CYP2C8: variants seen among roughly 807,000 people sequenced by gnomAD.
CYP2C8 encodes the protein cytochrome P450 family 2 subfamily C member 8.
Under a neutral mutation model 41.3 loss-of-function variants are expected in CYP2C8, and 51 were observed. The ratio of observed to expected loss-of-function variants is 1.24; its 90% confidence interval spans 0.99 to 1.56. CYP2C8 has a LOEUF of 1.56. Among genes scored for constraint, CYP2C8 ranks in the 40% most tolerant of loss-of-function variants. CYP2C8 has a pLI of 0.00. For missense variants in CYP2C8, 651 were observed against 579.9 expected (o/e 1.12, Z -1.26); for synonymous variants, 218 against 205.8 (o/e 1.06, Z -0.51).
At chr10:95,053,622 T>A (rs2033252453) in intron 5 of CYP2C8, among the ~76,000 whole-genome samples, 1 of 152,218 alleles carries the variant, frequency 6.6e-6, no homozygotes, top group South Asian at 2.1e-4. Context: ...TTCAGGGACA[T>A]GGATGAAGCT....
At chr10:95,046,018 A>T (rs1055228791) in intron 5 of CYP2C8, 67 bp from the exon 6 acceptor site, 31 of 1,570,960 alleles carry the variant, frequency 2.0e-5, no homozygotes, top group East Asian at 9.0e-5. Context: ...ACTAAATTTT[A>T]AAAAACATAC....
intron 7 of CYP2C8, among the ~76,000 whole-genome samples, chr10:95,041,756 C>A (rs976152532): frequency 5.7e-5 from 8 of 140,946 alleles, no homozygotes; most frequent in Non-Finnish European, 1.2e-4. Flanking sequence ...AGTCCGCAGT[C>A]CAGCCTGGGC....
intron 5 of CYP2C8, among the ~76,000 whole-genome samples, chr10:95,051,947 G>C (rs2033220701): frequency 6.6e-6 from 1 of 151,644 alleles, no homozygotes; most frequent in Non-Finnish European, 1.5e-5. Context: ...AAAATTAGTA[G>C]GAGAAAAGAA....
intron 5 of CYP2C8, among the ~76,000 whole-genome samples, chr10:95,049,623 T>C (rs2033178182): frequency 6.6e-6 from 1 of 152,104 alleles, no homozygotes; most frequent in Non-Finnish European, 1.5e-5. Flanking sequence ...GCCTCATCAC[T>C]GTGGACTATA....
intron 3 of CYP2C8, among the ~76,000 whole-genome samples, chr10:95,066,675 G>A (rs2033575184): frequency 6.6e-6 from 1 of 152,138 alleles, no homozygotes; most frequent in Admixed American, 6.5e-5. Context: ...CATACATAGT[G>A]TCATTGCTGG....
At chr10:95,062,928 G>C (rs1239597380) in intron 4 of CYP2C8, among the ~76,000 whole-genome samples, 1 of 152,126 alleles carries the variant, frequency 6.6e-6, no homozygotes, top group East Asian at 1.9e-4. Context: ...GAAATTCTGG[G>C]TTGAAAATTC....
At chr10:95,055,935 A>T (rs570927583) in intron 5 of CYP2C8, among the ~76,000 whole-genome samples, 1 of 152,016 alleles carries the variant, frequency 6.6e-6, no homozygotes, top group Non-Finnish European at 1.5e-5. Flanking sequence ...TACAAAAAAA[A>T]TACAAAAATT....
At chr10:95,047,370 T>A (rs1161833740) in intron 5 of CYP2C8, among the ~76,000 whole-genome samples, 1 of 152,188 alleles carries the variant, frequency 6.6e-6, no homozygotes, top group Admixed American at 6.5e-5. Context: ...TCATGAAAAG[T>A]GTTACACTCT....
intron 7 of CYP2C8, among the ~76,000 whole-genome samples, chr10:95,039,780 T>C (rs2032959382): frequency 6.6e-6 from 1 of 152,186 alleles, no homozygotes; most frequent in South Asian, 2.1e-4. Flanking sequence ...GATACAACCT[T>C]ATTATGTGGG....
At chr10:95,039,318 C>T in intron 7 of CYP2C8, 1 of 419,818 alleles carries the variant, frequency 2.4e-6, no homozygotes, top group Non-Finnish European at 4.4e-6. Flanking sequence ...GCCTCATTTG[C>T]CGCTCTATTT....
rs1317402551 is a variant in CYP2C8 at position 95,037,138 on chromosome 10, A to T, written c.1463T>A (p.Ile488Asn). 1 of 1,613,804 alleles carries T rather than the reference A, an allele frequency of 6.2e-7. No homozygotes were observed. Among genetic ancestry groups the T allele is most frequent in the Non-Finnish European group, 8.5e-7 (1 of 1,179,830 alleles). ...SLPPSYQICFIPV is the reference protein window; with the variant it reads ...SLPPSYQICFNPV ...ATGGGCTAGCATTCTTCAGACAGGG[A>T]TGAAGCAGATCTGGTATGAGGGTGG... is the stretch of plus-strand genomic sequence containing the variant. Residue 488 changes from isoleucine to asparagine, a missense_variant, in exon 9 of 9, where the codon ATC becomes AAC. Coordinates refer to ENST00000371270, the MANE Select transcript of CYP2C8 (RefSeq NM_000770.3).
rs78637571 is a variant in CYP2C8, at chr10:95,045,951, C to A, written c.820G>T (p.Glu274Ter). 100 of 1,613,820 alleles carry A rather than the reference C, an allele frequency of 6.2e-5. No homozygotes were observed. In the East Asian group the frequency reaches 2.1e-3, roughly 34 times the overall value. ...IDCFLIKMEQ[E>*]KDNQKSEFNI... The stretch of plus-strand genomic sequence containing the variant: ...AATTCTGACTTTTGGTTGTCCTTTT[C>A]CTAGAAGTGATTTCATGCAATTATC... The change falls in exon 6 of 9, where the codon GAA becomes TAA. Residue 274 changes from glutamate to a stop codon, truncating the protein, a stop_gained and splice_region_variant. Coordinates refer to ENST00000371270, the MANE Select transcript of CYP2C8 (RefSeq NM_000770.3). LOFTEE classifies it high-confidence loss of function.
chr10:95,058,659 T>G, intron 4 of CYP2C8, 148 bp from the exon 5 acceptor site: 1 of 738,122 alleles, frequency 1.4e-6, no homozygotes, highest in Non-Finnish European at 2.2e-6. Flanking sequence ...CATTTTTTAT[T>G]ACACTTTAAG....
chr10:95,043,198 G>A, intron 6 of CYP2C8, 121 bp from the exon 7 acceptor site: 1 of 852,820 alleles, frequency 1.2e-6, no homozygotes, highest in Non-Finnish European at 1.9e-6. Context: ...TGAGTTACAT[G>A]TCCAGAAGTA....
At chr10:95,060,959 A>G (rs561709364) in intron 4 of CYP2C8, among the ~76,000 whole-genome samples, 49 of 152,286 alleles carry the variant, frequency 3.2e-4, no homozygotes, top group East Asian at 2.7e-3. Context: ...TGATTTGCGT[A>G]TATTGAACCA....
At chr10:95,038,352 T>C (rs1233754297) in intron 8 of CYP2C8, among the ~76,000 whole-genome samples, 1 of 152,204 alleles carries the variant, frequency 6.6e-6, no homozygotes, top group East Asian at 1.9e-4. Context: ...GCAAGAAGCA[T>C]GCAGAGTCCC....
chr10:95,051,005 C>T (rs961765761), intron 5 of CYP2C8, among the ~76,000 whole-genome samples: 3 of 152,106 alleles, frequency 2.0e-5, no homozygotes, highest in Non-Finnish European at 4.4e-5. Flanking sequence ...AATAAGGCAC[C>T]AGGGACCAAT....
At chr10:95,044,614 C>CA (rs950229740) in intron 6 of CYP2C8, among the ~76,000 whole-genome samples, 4 of 149,274 alleles carry the variant, frequency 2.7e-5, no homozygotes, top group Non-Finnish European at 4.5e-5. Context: ...TTTCTCAAAC[C>CA]TTTTTTTTTT....
intron 4 of CYP2C8, 40 bp downstream of exon 4, chr10:95,064,760 G>T: frequency 6.3e-7 from 1 of 1,596,696 alleles, no homozygotes; most frequent in South Asian, 1.1e-5. Flanking sequence ...CTACAACCTT[G>T]AATAAATGGT....
Sources: gnomAD v4.1 joint callset for allele counts (sites outside exome capture counted in the v4.1 genomes callset) on GRCh38, gnomAD v4.1.1 for gene constraint, MANE v1.5 for transcripts, NCBI Gene and HGNC (gene_info 2026-07-23, HGNC 2026-07-21) for gene names.